Variants in NBEA observed in about 807,000 individuals in gnomAD.
NBEA encodes the protein neurobeachin, also known as lysosomal-trafficking regulator 2.
Under a neutral mutation model 343.4 loss-of-function variants are expected in NBEA, and 44 were observed. That is an observed-to-expected ratio of 0.13 (90% CI 0.10 to 0.16). The LOEUF (loss-of-function observed/expected upper bound fraction) is 0.16, where lower values mean the gene tolerates loss of function less well. NBEA is among the 10% of genes least tolerant of loss of function. The pLI, the probability that NBEA is intolerant of heterozygous loss-of-function variation, is 1.00. For missense variants in NBEA, 2,555 were observed against 3,631.3 expected, an observed-to-expected ratio of 0.70 and a Z score of 7.62; for synonymous variants, 1,175 against 1,238.7, an observed-to-expected ratio of 0.95 and a Z score of 1.08.
intron 41 of NBEA, among the ~76,000 whole-genome samples, chr13:35,502,078 T>A (rs1395220116): frequency 6.6e-6 from 1 of 152,064 alleles, no homozygotes; most frequent in Non-Finnish European, 1.5e-5. Context: ...CTGCCGGGGC[T>A]TTAGTGGAGT....
intron 38 of NBEA, among the ~76,000 whole-genome samples, chr13:35,377,850 C>G (rs1248672061): frequency 6.6e-6 from 1 of 152,088 alleles, no homozygotes; most frequent in Admixed American, 6.5e-5. Flanking sequence ...ACAAATAGAC[C>G]ATAAACATAT....
chr13:35,398,010 A>G (rs2042825794), intron 38 of NBEA, among the ~76,000 whole-genome samples: 1 of 152,064 alleles, frequency 6.6e-6, no homozygotes, highest in African/African-American at 2.4e-5. Flanking sequence ...TTCCCATAGA[A>G]CTTCTTTCAA....
intron 34 of NBEA, among the ~76,000 whole-genome samples, chr13:35,237,873 G>A (rs900995111): frequency 2.6e-5 from 4 of 151,702 alleles, no homozygotes; most frequent in South Asian, 2.1e-4. Flanking sequence ...TTTATTGTCG[G>A]TGTCCTTTCA....
At chr13:35,630,685 C>G (rs9565428) in intron 49 of NBEA, among the ~76,000 whole-genome samples, 1 of 152,146 alleles carries the variant, frequency 6.6e-6, no homozygotes, top group African/African-American at 2.4e-5. Flanking sequence ...CCCTATAATT[C>G]TGTGTCAGTT....
At chr13:35,055,086 G>A (rs2063204316) in intron 6 of NBEA, among the ~76,000 whole-genome samples, 1 of 152,050 alleles carries the variant, frequency 6.6e-6, no homozygotes, top group Non-Finnish European at 1.5e-5. Flanking sequence ...ATTGAATAGT[G>A]CATTTAAATA....
intron 41 of NBEA, among the ~76,000 whole-genome samples, chr13:35,529,596 A>G (rs761580445): frequency 1.3e-5 from 2 of 152,240 alleles, no homozygotes; most frequent in Admixed American, 6.5e-5. Flanking sequence ...TTTGAAAGAC[A>G]TGTAAATAGA....
In NBEA at chr13:35,195,850, T is replaced by G. The variant is rs1203474149; in HGVS notation, c.4928-14T>G. Reference sequence around the variant, plus strand: ...TTTCAAAGCTTTTTTCTAACCTAGTTTCTTTCATTACAGAAACACCTGCTG... The same window carrying G: ...TTTCAAAGCTTTTTTCTAACCTAGTGTCTTTCATTACAGAAACACCTGCTG... On this transcript the variant is annotated splice_polypyrimidine_tract_variant and intron_variant, in intron 30 of 58. Coordinates refer to ENST00000379939, the MANE Select transcript of NBEA (RefSeq NM_001385012.1). 6.4e-6 allele frequency: 10 copies of G among 1,553,452 alleles called. No homozygotes were observed. Among genetic ancestry groups the G allele is most frequent in the Middle Eastern group, 1.7e-4 (1 of 5,760 alleles).
chr13:35,195,763 C>T, intron 30 of NBEA, 101 bp from the exon 31 acceptor site: 1 of 1,115,770 alleles, frequency 9.0e-7, no homozygotes, highest in Non-Finnish European at 1.2e-6. Flanking sequence ...TTTGTTTCTA[C>T]AGGTTTTGTT....
chr13:35,522,210 A>G (rs2077749468), intron 41 of NBEA, among the ~76,000 whole-genome samples: 2 of 151,864 alleles, frequency 1.3e-5, no homozygotes, highest in South Asian at 4.2e-4. Flanking sequence ...TAATCCCAGC[A>G]GTTTGGGAGG....
chr13:35,651,904 C>T, intron 53 of NBEA, 28 bp downstream of exon 53: 10 of 1,208,498 alleles, frequency 8.3e-6, no homozygotes, highest in Non-Finnish European at 1.2e-5. Flanking sequence ...AATAAATTTT[C>T]ATGGATACTA....
chr13:35,327,351 C>G (rs547681800), intron 36 of NBEA, among the ~76,000 whole-genome samples: 2 of 152,160 alleles, frequency 1.3e-5, no homozygotes, highest in South Asian at 4.1e-4. Context: ...GCACTATTCA[C>G]AATGGCAAAG....
At chr13:35,026,053 C>A (rs898166302) in intron 1 of NBEA, among the ~76,000 whole-genome samples, 1 of 152,044 alleles carries the variant, frequency 6.6e-6, no homozygotes, top group Non-Finnish European at 1.5e-5. Context: ...ATGTCAAGGA[C>A]AGGACCAGGT....
At chr13:35,560,009 T>C (rs1351764329) in intron 44 of NBEA, among the ~76,000 whole-genome samples, 1 of 152,120 alleles carries the variant, frequency 6.6e-6, no homozygotes, top group Non-Finnish European at 1.5e-5. Flanking sequence ...AGTTTATGAC[T>C]ATTGAATAAT....
intron 44 of NBEA, among the ~76,000 whole-genome samples, chr13:35,564,647 G>A (rs748750839): frequency 2.1e-4 from 32 of 152,028 alleles, no homozygotes; most frequent in Non-Finnish European, 3.8e-4. Context: ...ATATGGCTCC[G>A]AACTCTTGTT....
chr13:35,455,025 C>G (rs1331636668), intron 40 of NBEA, among the ~76,000 whole-genome samples: 2 of 151,938 alleles, frequency 1.3e-5, no homozygotes, highest in Non-Finnish European at 2.9e-5. Context: ...ACAGGTTTAT[C>G]TTTTCATGAC....
chr13:35,543,982 G>C (rs1440931588), intron 41 of NBEA, among the ~76,000 whole-genome samples: 1 of 152,108 alleles, frequency 6.6e-6, no homozygotes, highest in Non-Finnish European at 1.5e-5. Flanking sequence ...AGTTTAAAAA[G>C]AGCATGGATG....
intron 31 of NBEA, among the ~76,000 whole-genome samples, chr13:35,207,352 A>T (rs950012134): frequency 1.3e-5 from 2 of 152,084 alleles, no homozygotes; most frequent in Non-Finnish European, 2.9e-5. Context: ...ATGCATTAAA[A>T]AGATGTAAAT....
chr13:35,388,381 A>G (rs1363020229), intron 38 of NBEA, among the ~76,000 whole-genome samples: 2 of 152,136 alleles, frequency 1.3e-5, no homozygotes, highest in African/African-American at 4.8e-5. Flanking sequence ...ATGGTTCTCT[A>G]CATTAAGAGG....
intron 34 of NBEA, among the ~76,000 whole-genome samples, chr13:35,254,657 A>G (rs1012619070): frequency 2.0e-5 from 3 of 152,098 alleles, no homozygotes; most frequent in Non-Finnish European, 4.4e-5. Context: ...TAGTATATAC[A>G]ATACTTTAAT....
Sources: allele counts gnomAD v4.1 joint callset (sites outside exome capture counted in the v4.1 genomes callset), GRCh38; gene constraint gnomAD v4.1.1; transcripts MANE v1.5; gene names NCBI Gene and HGNC (gene_info 2026-07-23, HGNC 2026-07-21).